Variants in ZNF273 observed in about 807,000 individuals in gnomAD.
The protein encoded by ZNF273 is zinc finger protein 273, also known as zinc finger protein 9.
Under a neutral mutation model 14.9 loss-of-function variants are expected in ZNF273, and 11 were observed. The ratio of observed to expected loss-of-function variants is 0.74; its 90% CI spans 0.46 to 1.22. The LOEUF (loss-of-function observed/expected upper bound fraction) is 1.22. Ranked by LOEUF, ZNF273 falls within the 50% of genes most tolerant of loss-of-function variation. The probability of loss-of-function intolerance (pLI) is 0.00; values close to 1 mark genes in which losing one functional copy is unlikely to be tolerated. For missense variants in ZNF273, 577 were observed against 660.6 expected, an observed-to-expected ratio of 0.87 and a Z score of 1.39; for synonymous variants, 199 against 223.9, an observed-to-expected ratio of 0.89 and a Z score of 0.99.
downstream of ZNF273, chr7:64,889,638 C>A: frequency 1.0e-6 from 1 of 986,016 alleles, no homozygotes; most frequent in South Asian, 4.7e-5. This position sits in a 1 kb window ranked among gnomAD's most constrained non-coding sequence, Gnocchi z 4.2. Flanking sequence ...TGCTGCTGAC[C>A]GGAGCCGCCT....
At chr7:64,909,646 T>A (rs1389786279) in intron 1 of ZNF273, among the ~76,000 whole-genome samples, 1 of 152,100 alleles carries the variant, frequency 6.6e-6, no homozygotes, top group African/African-American at 2.4e-5. Context: ...TGTGTCTTTA[T>A]AATAGAATAA....
downstream of ZNF273, chr7:64,893,553 C>A (rs3829004): frequency 0.039 from 5,940 of 152,266 alleles, 181 homozygotes; most frequent in East Asian, 0.15. Context: ...TCTTGAGGGC[C>A]GGTATGAACA....
intron 1 of ZNF273, chr7:64,888,536 C>T (rs1456166425): frequency 4.2e-5 from 41 of 985,716 alleles, no homozygotes; most frequent in Non-Finnish European, 4.9e-5. Flanking sequence ...ATACGAAACC[C>T]ATTCGTTCTT....
rs1217649011 is a variant in ZNF273 at position 64,929,541 on chromosome 7, T to C, written c.*503T>C. The C allele has an allele frequency of 6.6e-6, 1 of 152,262 alleles. No individual in the cohort carries two copies. Among genetic ancestry groups the C allele is most frequent in the Admixed American group, 6.5e-5 (1 of 15,294 alleles). 9.4% of individuals were successfully genotyped at this position (152,262 alleles called of 1,614,324 possible). On this transcript the variant is annotated 3_prime_UTR_variant, in exon 4 of 4. Transcript: ENST00000476120. ...AAACATGGGAGGAATTACACTAAAA[T>C]ATATTTTTGCAAATGCAGCAGTAAA...
At chr7:64,881,977 G>A (rs1202633169), downstream of ZNF273, among the ~76,000 whole-genome samples, 10 of 152,162 alleles carry the variant, frequency 6.6e-5, no homozygotes, top group East Asian at 1.7e-3. Context: ...GCCCCCGTGG[G>A]ATGCCAGTTC....
chr7:64,886,440 C>T (rs1791585188), intron 1 of ZNF273, among the ~76,000 whole-genome samples: 6 of 152,196 alleles, frequency 3.9e-5, no homozygotes, highest in Admixed American at 3.9e-4. Flanking sequence ...GAAGAGGAAA[C>T]TAAATTTGCA....
At chr7:64,878,098 G>A (rs2129025979) in intron 1 of ZNF273, among the ~76,000 whole-genome samples, 1 of 152,260 alleles carries the variant, frequency 6.6e-6, no homozygotes, top group African/African-American at 2.4e-5. Flanking sequence ...CGTGGCTCAC[G>A]CACTGGAACG....
At position 64,928,183 on chromosome 7, in the gene ZNF273, T is replaced by C; in HGVS notation, c.855T>C (p.Thr285=). 1 of 1,613,366 alleles carries C rather than the reference T, an allele frequency of 6.2e-7. No homozygotes were observed. Among genetic ancestry groups the C allele is most frequent in the Non-Finnish European group, 8.5e-7 (1 of 1,179,780 alleles). ...TTACTAAACATAAAAAAATTCATAC[T>C]GAAGAGAAACCTTACAAATGTGAAG... ...LTLTKHKKIH[T]EEKPYKCEDC... The change falls in exon 4 of 4, where the codon ACT becomes ACC. Residue 285 remains threonine (T), a synonymous_variant. Transcript: ENST00000476120.
intron 1 of ZNF273, among the ~76,000 whole-genome samples, chr7:64,907,118 G>A (rs1417413351): frequency 6.6e-6 from 1 of 152,198 alleles, no homozygotes; most frequent in Non-Finnish European, 1.5e-5. Flanking sequence ...GTTTGATTAA[G>A]AAATATTTCC....
At chr7:64,906,613 A>G (rs970107014) in intron 1 of ZNF273, among the ~76,000 whole-genome samples, 2 of 152,132 alleles carry the variant, frequency 1.3e-5, no homozygotes, top group South Asian at 2.1e-4. Flanking sequence ...AGGCCCAGTT[A>G]GGTTCTTTTT....
chr7:64,880,124 G>A (rs1383439233), downstream of ZNF273: 1 of 152,242 alleles, frequency 6.6e-6, no homozygotes, highest in African/African-American at 2.4e-5. Flanking sequence ...GGCAAAGAGG[G>A]GGTCCTCTGT....
chr7:64,891,770 G>T (rs368214209), downstream of ZNF273, among the ~76,000 whole-genome samples: 3 of 152,218 alleles, frequency 2.0e-5, no homozygotes, highest in Non-Finnish European at 2.9e-5. Flanking sequence ...CCTTGCCCCA[G>T]GTTCACAGCT....
In ZNF273 at chr7:64,928,306, C is replaced by CTTTA; in HGVS notation, c.979_982dup (p.Ser328IlefsTer2). 1 of 1,613,144 alleles carries CTTTA rather than the reference C, an allele frequency of 6.2e-7. No individual in the cohort carries two copies. ...ACAATTGTGAAGAATGTGGCAAAGG[C>CTTTA]TTTAGTATATTCTCAACCCTTACTA... On this transcript the variant is annotated frameshift_variant, in exon 4 of 4. Transcript: ENST00000476120. LOFTEE classifies it low-confidence loss of function (END_TRUNC).
At chr7:64,905,633 C>A (rs545646606) in intron 1 of ZNF273, among the ~76,000 whole-genome samples, 1 of 152,094 alleles carries the variant, frequency 6.6e-6, no homozygotes, top group East Asian at 1.9e-4. Flanking sequence ...AAACTTACTC[C>A]AGTGAGATGG....
downstream of ZNF273, among the ~76,000 whole-genome samples, chr7:64,934,789 C>A (rs1273303627): frequency 6.6e-6 from 1 of 151,532 alleles, no homozygotes; most frequent in Non-Finnish European, 1.5e-5. Context: ...TATACAGGAT[C>A]TTTTGTGGGG....
At chr7:64,925,583 G>A (rs150920308) in intron 3 of ZNF273, among the ~76,000 whole-genome samples, 28 of 151,652 alleles carry the variant, frequency 1.8e-4, no homozygotes, top group African/African-American at 3.6e-4. Flanking sequence ...GACTACAGGC[G>A]CGCGCCACCA....
rs750737426 is a variant in ZNF273, at chr7:64,921,637, T to TTTTTTTTTTTTTG, written c.325+3345_325+3346insTTTTTTTTTTTTG. Among the ~76,000 whole-genome samples the TTTTTTTTTTTTTG allele has an allele frequency of 3.0e-4, 9 of 29,576 alleles. 1 individual carries two copies. The highest frequency in any genetic ancestry group is 1.4e-3 in the African/African-American group (9 of 6,416). 19.4% of individuals were successfully genotyped at this position (29,576 alleles called of 152,430 possible). ...TTTTTTTTTTTTTTTTTTTTTTTTT[T>TTTTTTTTTTTTTG]GTGTGTGAGACAGAGTCTTGCTCTC... On this transcript the variant is annotated intron_variant, in intron 3 of 3. Transcript: ENST00000476120.
At chr7:64,895,066 G>C (rs1184477541) in intron 3 of ZNF273, among the ~76,000 whole-genome samples, 2 of 152,106 alleles carry the variant, frequency 1.3e-5, no homozygotes, top group African/African-American at 4.8e-5. Context: ...GAACCCAGGA[G>C]GCAGAGGTTG....
chr7:64,931,271 C>T (rs1288164358), downstream of ZNF273, among the ~76,000 whole-genome samples: 2 of 152,124 alleles, frequency 1.3e-5, no homozygotes, highest in African/African-American at 4.8e-5. Flanking sequence ...TCTATACTCT[C>T]TCTGCTTTGT....
Sources: allele counts gnomAD v4.1 joint callset (sites outside exome capture counted in the v4.1 genomes callset), GRCh38; gene constraint gnomAD v4.1.1; non-coding constraint Gnocchi (gnomAD v3.1); transcripts MANE v1.5; gene names NCBI Gene and HGNC (gene_info 2026-07-23, HGNC 2026-07-21).